The following AHDC1 variants were observed in gnomAD, a reference collection of about 807,000 sequenced individuals.
AHDC1 encodes the protein transcription factor Gibbin.
AHDC1 carries 7 observed loss-of-function variants against 87.9 expected under a neutral mutation model. That is an observed-to-expected ratio of 0.08 (90% CI 0.05 to 0.15). The LOEUF is 0.15. AHDC1 is among the 10% of genes least tolerant of loss of function. The probability of loss-of-function intolerance (pLI) is 1.00; values close to 1 mark genes in which losing one functional copy is unlikely to be tolerated. For synonymous variants in AHDC1, 1,051 were observed against 1,006.8 expected (o/e 1.04, Z -0.83); for missense variants, 1,841 against 2,253.2 (o/e 0.82, Z 3.70).
intron 3 of AHDC1, among the ~76,000 whole-genome samples, chr1:27,602,028 G>C (rs1372566044): frequency 2.0e-5 from 3 of 152,132 alleles, no homozygotes; most frequent in Non-Finnish European, 2.9e-5. Context: ...GCCCCCCAAG[G>C]GTCCCTCCTT....
At chr1:27,539,525 A>G (rs2018810280) in intron 8 of AHDC1, among the ~76,000 whole-genome samples, 1 of 151,888 alleles carries the variant, frequency 6.6e-6, no homozygotes, top group Non-Finnish European at 1.5e-5. Flanking sequence ...GGCTTACTGC[A>G]ACCTCTGCCT....
chr1:27,600,350 T>G (rs1392499611), intron 3 of AHDC1, among the ~76,000 whole-genome samples: 1 of 151,896 alleles, frequency 6.6e-6, no homozygotes, highest in Non-Finnish European at 1.5e-5. Context: ...ATAGTGAGTC[T>G]GCTTGACCTC....
intron 8 of AHDC1, among the ~76,000 whole-genome samples, chr1:27,542,792 G>A (rs142386167): frequency 1.8e-4 from 28 of 152,288 alleles, no homozygotes; most frequent in South Asian, 2.1e-4. Flanking sequence ...AGGGTGAGTC[G>A]GTATGGTCGT....
At chr1:27,597,864 ACT>A (rs939051180) in intron 3 of AHDC1, among the ~76,000 whole-genome samples, 13 of 149,082 alleles carry the variant, frequency 8.7e-5, no homozygotes, top group Non-Finnish European at 1.8e-4. Context: ...CATCTCAGTC[ACT>A]CTGTCTCCTT....
At chr1:27,576,266 G>T (rs1290236533) in intron 3 of AHDC1, among the ~76,000 whole-genome samples, 1 of 152,184 alleles carries the variant, frequency 6.6e-6, no homozygotes, top group Non-Finnish European at 1.5e-5. Context: ...GGTTTTGTTT[G>T]CTGTGTGCCT....
Position 27,534,660 on chromosome 1 carries a change from CT to C in AHDC1, c.*299del, listed in dbSNP as rs1036538051. 2.9e-3 allele frequency: 420 copies of C among 143,830 alleles called. No homozygotes were observed. Among genetic ancestry groups the C allele is most frequent in the African/African-American group, 5.5e-3 (218 of 39,400 alleles). The allele number at this position is 143,830 out of a possible 1,614,324, so 8.9% of individuals were successfully genotyped here. ...GCTCGCTCTCTCGCTCTCTCTCTCT[CT>C]TTTTTTTTTTTGTCTTTTTCTAAAA... On this transcript the variant is annotated 3_prime_UTR_variant, in exon 9 of 9. Transcript: ENST00000673934.
intron 3 of AHDC1, among the ~76,000 whole-genome samples, chr1:27,569,817 G>T (rs2020490373): frequency 6.6e-6 from 1 of 152,044 alleles, no homozygotes; most frequent in Non-Finnish European, 1.5e-5. Flanking sequence ...GACCCGACAG[G>T]CCTGGACCCT....
chr1:27,536,718 T>C (rs1305994885), intron 8 of AHDC1, among the ~76,000 whole-genome samples: 2 of 152,088 alleles, frequency 1.3e-5, no homozygotes, highest in African/African-American at 2.4e-5. Context: ...TGTTGGGGTG[T>C]TGGGGGTGAC....
chr1:27,545,917 C>T (rs575071427), intron 8 of AHDC1, among the ~76,000 whole-genome samples: 9 of 152,284 alleles, frequency 5.9e-5, no homozygotes, highest in African/African-American at 2.2e-4. Context: ...ATGGTCCTCC[C>T]GGAGGCCTCC....
rs529498959 is a variant in AHDC1 at position 27,541,810 on chromosome 1, A to T, written c.*43+5451T>A. On this transcript the variant is annotated intron_variant, in intron 8 of 8. Coordinates refer to ENST00000673934, the MANE Select transcript of AHDC1 (RefSeq NM_001371928.1). ...ATGCCCGGCTAATTTTCGTATTTTTAGTAGAGACAGGGTTTCACCACGTTA... is the reference window on the plus strand; with the variant it reads ...ATGCCCGGCTAATTTTCGTATTTTTTGTAGAGACAGGGTTTCACCACGTTA... Among the ~76,000 whole-genome samples, 206 of 152,080 alleles carry T rather than the reference A, an allele frequency of 1.4e-3. 3 individuals are homozygous for T. Among genetic ancestry groups the T allele is most frequent in the Admixed American group, 0.013 (193 of 15,264 alleles).
At chr1:27,575,612 C>T (rs2088701697) in intron 3 of AHDC1, among the ~76,000 whole-genome samples, 1 of 151,676 alleles carries the variant, frequency 6.6e-6, no homozygotes, top group African/African-American at 2.4e-5. Context: ...CCGCGCAGCG[C>T]GCAGCCCGGG....
At chr1:27,545,914 TC>T (rs1419984330) in intron 8 of AHDC1, among the ~76,000 whole-genome samples, 1 of 152,196 alleles carries the variant, frequency 6.6e-6, no homozygotes, top group East Asian at 1.9e-4. Flanking sequence ...GGAATGGTCC[TC>T]CCGGAGGCCT....
chr1:27,570,086 C>T (rs549487430), intron 3 of AHDC1, among the ~76,000 whole-genome samples: 1 of 151,844 alleles, frequency 6.6e-6, no homozygotes, highest in Non-Finnish European at 1.5e-5. Flanking sequence ...CATTCCTGGG[C>T]CCCCAGCGGG....
chr1:27,593,920 G>T lies in AHDC1; in HGVS notation c.-629+9477C>A, dbSNP rs1261390911. Among the ~76,000 whole-genome samples the T allele has an allele frequency of 2.0e-5, 3 of 152,184 alleles. No homozygotes were observed. Among genetic ancestry groups the T allele is most frequent in the Non-Finnish European group, 4.4e-5 (3 of 68,018 alleles). On this transcript the variant is annotated intron_variant, in intron 3 of 8. Coordinates refer to ENST00000673934, the MANE Select transcript of AHDC1 (RefSeq NM_001371928.1). This position sits in a 1 kb window ranked among gnomAD's most constrained non-coding sequence, Gnocchi z 4.9. ...AGCACTGCAGTTGCTTCTTCTTTAG[G>T]GTCTTGGGGATCAGTGGAGCCCTTC...
At position 27,560,684 on chromosome 1, in the gene AHDC1, A is replaced by C. The variant is rs1026613377; in HGVS notation, c.-628-1801T>G. Among the ~76,000 whole-genome samples the C allele has an allele frequency of 2.0e-5, 3 of 151,978 alleles. No homozygotes were observed. The highest frequency in any genetic ancestry group is 4.4e-5 in the Non-Finnish European group (3 of 67,994). Reference sequence around the variant, plus strand: ...ACCTTATTGTGTGTCTGTGTACCACAGCGTGTCTCTGTGTATGTCAGTGGG... The same window carrying C: ...ACCTTATTGTGTGTCTGTGTACCACCGCGTGTCTCTGTGTATGTCAGTGGG... On this transcript the variant is annotated intron_variant, in intron 3 of 8. Transcript: ENST00000673934. This position sits in a 1 kb window ranked among gnomAD's most constrained non-coding sequence, Gnocchi z 4.1.
At position 27,550,317 on chromosome 1, in the gene AHDC1, G is replaced by A; in HGVS notation, c.1799C>T (p.Ser600Phe). The change falls in exon 8 of 9, where the codon TCC becomes TTC. Residue 600 changes from serine to phenylalanine, a missense_variant. Physicochemically the swap from Ser to Phe is radical, Grantham distance 155. Coordinates refer to ENST00000673934, the MANE Select transcript of AHDC1 (RefSeq NM_001371928.1). The part of the protein sequence containing the change: ...RKQKLASPQP[S>F]YAADANDSKA... ...GCTGTCGTTGGCGTCTGCTGCATAG[G>A]ATGGCTGGGGAGATGCCAGCTTCTG... The A allele has an allele frequency of 6.2e-7, 1 of 1,614,086 alleles. No homozygotes were observed. Among genetic ancestry groups the A allele is most frequent in the East Asian group, 2.2e-5 (1 of 44,874 alleles).
intron 8 of AHDC1, among the ~76,000 whole-genome samples, chr1:27,541,765 C>G (rs1019462769): frequency 2.0e-5 from 3 of 151,306 alleles, no homozygotes; most frequent in African/African-American, 7.3e-5. Context: ...GAGTAGCTGG[C>G]ACTACAGGCA....
chr1:27,589,484 G>A lies in AHDC1; in HGVS notation c.-629+13913C>T, dbSNP rs191560246. On this transcript the variant is annotated intron_variant, in intron 3 of 8. Transcript: ENST00000673934. The stretch of plus-strand genomic sequence containing the variant: ...GACTCCATGCATGTCTAAGTACAGA[G>A]TGCCAGCATCCTGCTGGACTACTGT... Among the ~76,000 whole-genome samples the A allele has an allele frequency of 1.3e-3, 202 of 152,328 alleles. 1 individual carries two copies. Among genetic ancestry groups the A allele is most frequent in the Non-Finnish European group, 2.1e-3 (140 of 68,022 alleles).
Position 27,548,577 on chromosome 1 carries a change from C to A in AHDC1, c.3539G>T (p.Gly1180Val), listed in dbSNP as rs2019324481. 18 of 1,613,428 alleles carry A rather than the reference C, an allele frequency of 1.1e-5. No individual in the cohort carries two copies. Among genetic ancestry groups the A allele is most frequent in the Admixed American group, 1.7e-5 (1 of 60,008 alleles). Residue 1180 changes from glycine (G) to valine (V), a missense_variant, in exon 8 of 9, where the codon GGG becomes GTG. This residue lies in a region of AHDC1 where 505 missense variants were observed against 626.2 expected (regional missense o/e 0.81). Transcript: ENST00000673934. ...STQFNQPVGG[G>V]GFRRANSEAS... ...CTCGCTGTTGGCACGCCGAAACCCC[C>A]CGCCACCAACCGGCTGATTGAACTG...
Sources: allele counts gnomAD v4.1 joint callset (sites outside exome capture counted in the v4.1 genomes callset), GRCh38; gene constraint gnomAD v4.1.1; regional missense constraint gnomAD v4.1.1; non-coding constraint Gnocchi (gnomAD v3.1); transcripts MANE v1.5; gene names NCBI Gene and HGNC (gene_info 2026-07-23, HGNC 2026-07-21).